Variants in CHSY3 observed in about 807,000 individuals in gnomAD.
CHSY3 encodes the protein chondroitin sulfate synthase 3.
A neutral mutation model predicts 67.2 loss-of-function variants in CHSY3; 35 were observed. The ratio of observed to expected loss-of-function variants is 0.52; its 90% confidence interval spans 0.40 to 0.69. The LOEUF is 0.69. Ranked by LOEUF, CHSY3 falls within the 30% of genes least tolerant of loss-of-function variation. The pLI, the probability that CHSY3 is intolerant of heterozygous loss-of-function variation, is 0.00. For missense variants in CHSY3, 1,069 were observed against 1,138.5 expected (o/e 0.94, Z 0.88); for synonymous variants, 474 against 434.7 (o/e 1.09, Z -1.12).
chr5:130,033,211 A>T (rs1764750589), intron 2 of CHSY3, among the ~76,000 whole-genome samples: 1 of 152,202 alleles, frequency 6.6e-6, no homozygotes, highest in Non-Finnish European at 1.5e-5. Flanking sequence ...GTGTACTTTT[A>T]GTCATCAATC....
chr5:130,009,820 T>C (rs950782161), intron 2 of CHSY3, among the ~76,000 whole-genome samples: 2 of 151,570 alleles, frequency 1.3e-5, no homozygotes, highest in African/African-American at 4.8e-5. Context: ...ACAGAAAACA[T>C]GAGGAAAGGT....
At chr5:130,152,706 T>C (rs1769264896) in intron 2 of CHSY3, among the ~76,000 whole-genome samples, 1 of 152,212 alleles carries the variant, frequency 6.6e-6, no homozygotes, top group African/African-American at 2.4e-5. Context: ...ACAGCTGTTG[T>C]TAAAAGCTGT....
At chr5:130,140,897 G>T in intron 2 of CHSY3, 1 of 588,406 alleles carries the variant, frequency 1.7e-6, no homozygotes, top group South Asian at 6.0e-5. Context: ...TGCAGGAATT[G>T]ACTTCAATAC....
At chr5:130,029,639 T>C (rs1156456722) in intron 2 of CHSY3, among the ~76,000 whole-genome samples, 1 of 152,176 alleles carries the variant, frequency 6.6e-6, no homozygotes, top group Non-Finnish European at 1.5e-5. Context: ...GAGCACCTTC[T>C]GCTCCTTCCC....
At position 130,005,270 on chromosome 5, in the gene CHSY3, C is replaced by T. The variant is rs544345386; in HGVS notation, c.1086+96910C>T. On this transcript the variant is annotated intron_variant, in intron 2 of 2. Coordinates refer to ENST00000305031, the MANE Select transcript of CHSY3 (RefSeq NM_175856.5). The stretch of plus-strand genomic sequence containing the variant: ...TCTCTAGTAAAAATACAAAAATTAG[C>T]TGGGCATGGTGGCATGAGCCTGTAG... Among the ~76,000 whole-genome samples, 64 of 151,970 alleles carry T rather than the reference C, an allele frequency of 4.2e-4. 1 individual carries two copies. The South Asian group carries it at 0.013, about 30-fold the overall frequency.
At chr5:129,973,966 C>T (rs1304341902) in intron 2 of CHSY3, among the ~76,000 whole-genome samples, 1 of 152,060 alleles carries the variant, frequency 6.6e-6, no homozygotes, top group Non-Finnish European at 1.5e-5. Flanking sequence ...TAAGTTGGCT[C>T]CTAGGTCTGC....
At chr5:129,916,630 G>A (rs1160630104) in intron 2 of CHSY3, among the ~76,000 whole-genome samples, 1 of 152,084 alleles carries the variant, frequency 6.6e-6, no homozygotes, top group Non-Finnish European at 1.5e-5. Context: ...CATAAAATAT[G>A]AAAAAATATG....
At chr5:130,058,916 T>G (rs1765622025) in intron 2 of CHSY3, among the ~76,000 whole-genome samples, 1 of 152,232 alleles carries the variant, frequency 6.6e-6, no homozygotes, top group Non-Finnish European at 1.5e-5. Context: ...CTTTGCTTTA[T>G]CTTCAAGTGG....
chr5:130,130,974 C>A (rs1768464938), intron 2 of CHSY3, among the ~76,000 whole-genome samples: 1 of 152,128 alleles, frequency 6.6e-6, no homozygotes, highest in Non-Finnish European at 1.5e-5. Context: ...ACTAAGGGTG[C>A]TTCTCAGAGC....
chr5:129,922,550 C>A (rs1435779777), intron 2 of CHSY3, among the ~76,000 whole-genome samples: 1 of 152,052 alleles, frequency 6.6e-6, no homozygotes, highest in Non-Finnish European at 1.5e-5. Flanking sequence ...GGTGATAGCT[C>A]ATTGTTGTTT....
intron 2 of CHSY3, among the ~76,000 whole-genome samples, chr5:129,920,744 TTC>T (rs1423480869): frequency 6.6e-6 from 1 of 152,202 alleles, no homozygotes; most frequent in Non-Finnish European, 1.5e-5. Flanking sequence ...ACTAATTTCT[TTC>T]TCTTTCTTTG....
At chr5:130,102,490 A>G (rs1767278545) in intron 2 of CHSY3, among the ~76,000 whole-genome samples, 1 of 146,304 alleles carries the variant, frequency 6.8e-6, no homozygotes, top group African/African-American at 2.5e-5. Flanking sequence ...TCCTTCTACA[A>G]AAAAAAAAAA....
At chr5:130,040,508 G>C (rs915380952) in intron 2 of CHSY3, among the ~76,000 whole-genome samples, 2 of 152,112 alleles carry the variant, frequency 1.3e-5, no homozygotes, top group African/African-American at 4.8e-5. Flanking sequence ...ATTTAATTTT[G>C]AGGAGATGGC....
chr5:129,929,649 A>C (rs1761234221), intron 2 of CHSY3, among the ~76,000 whole-genome samples: 1 of 152,208 alleles, frequency 6.6e-6, no homozygotes, highest in Admixed American at 6.5e-5. Context: ...AAATAGCAAA[A>C]ATAAAAAAAA....
intron 2 of CHSY3, among the ~76,000 whole-genome samples, chr5:129,949,289 A>C (rs183635063): frequency 2.0e-4 from 30 of 152,302 alleles, no homozygotes; most frequent in African/African-American, 7.2e-4. Context: ...AATACTGCAA[A>C]AATACAAAAA....
chr5:130,169,953 A>G (rs1185891986), intron 2 of CHSY3, among the ~76,000 whole-genome samples: 1 of 151,946 alleles, frequency 6.6e-6, no homozygotes, highest in Non-Finnish European at 1.5e-5. Context: ...TGTAGCAACT[A>G]CCATCTTTCT....
In CHSY3 at chr5:130,144,834, T is replaced by A. The variant is rs1769023027; in HGVS notation, c.1087-39395T>A. The stretch of plus-strand genomic sequence containing the variant: ...CAAGAAATATCTGAGATGGGGTAAT[T>A]TATAAAGAAAAAAGGTTTAAGTGGC... On this transcript the variant is annotated intron_variant, in intron 2 of 2. Coordinates refer to ENST00000305031, the MANE Select transcript of CHSY3 (RefSeq NM_175856.5). Among the ~76,000 whole-genome samples, 3 of 152,230 alleles carry A rather than the reference T, an allele frequency of 2.0e-5. No individual in the cohort carries two copies. In the South Asian group the frequency reaches 6.2e-4, roughly 32 times the overall value.
chr5:129,934,658 T>A (rs1042194277), intron 2 of CHSY3, among the ~76,000 whole-genome samples: 2 of 152,194 alleles, frequency 1.3e-5, no homozygotes, highest in Non-Finnish European at 2.9e-5. Flanking sequence ...TGCACTGGCA[T>A]GTGAAAATAA....
chr5:130,126,648 T>C (rs553089377), intron 2 of CHSY3, among the ~76,000 whole-genome samples: 34 of 152,212 alleles, frequency 2.2e-4, no homozygotes, highest in African/African-American at 6.8e-4. Context: ...GTTGATCTTA[T>C]AATTTTATGT....
Sources: gnomAD v4.1 joint callset for allele counts (sites outside exome capture counted in the v4.1 genomes callset) on GRCh38, gnomAD v4.1.1 for gene constraint, MANE v1.5 for transcripts, NCBI Gene and HGNC (gene_info 2026-07-23, HGNC 2026-07-21) for gene names.